Variants in ROBO2 observed in about 807,000 individuals in gnomAD.
The protein encoded by ROBO2 is roundabout guidance receptor 2.
ROBO2 carries 53 observed loss-of-function variants against 160.8 expected under a neutral mutation model. The observed-to-expected ratio is 0.33, with a 90% CI of 0.26 to 0.41. The LOEUF (loss-of-function observed/expected upper bound fraction) is 0.41, where lower values mean the gene tolerates loss of function less well. ROBO2 is among the 10% of genes least tolerant of loss of function. The probability of loss-of-function intolerance (pLI) is 1.00; values close to 1 mark genes in which losing one functional copy is unlikely to be tolerated. For synonymous variants in ROBO2, 664 were observed against 611.7 expected, an observed-to-expected ratio of 1.09 and a Z score of -1.26; for missense variants, 1,577 against 1,722.4, an observed-to-expected ratio of 0.92 and a Z score of 1.49.
intron 2 of ROBO2, among the ~76,000 whole-genome samples, chr3:76,010,159 C>T (rs957426702): frequency 3.9e-5 from 6 of 152,168 alleles, no homozygotes; most frequent in Admixed American, 3.3e-4. Context: ...GTGCCTGGGG[C>T]TTAGTCCAGA....
intron 2 of ROBO2, among the ~76,000 whole-genome samples, chr3:76,212,862 C>CTCTCTT (rs1444729944): frequency 9.9e-5 from 15 of 151,142 alleles, no homozygotes; most frequent in Non-Finnish European, 2.2e-4. Flanking sequence ...CTCTCTCTCT[C>CTCTCTT]TCAGTTTGAC....
chr3:76,933,272 A>G (rs1050818248), intron 2 of ROBO2, among the ~76,000 whole-genome samples: 16 of 152,196 alleles, frequency 1.1e-4, no homozygotes, highest in African/African-American at 3.4e-4. Flanking sequence ...ATTTACTACC[A>G]TAGTGATTAT....
chr3:77,575,161 A>T (rs1257445455), intron 14 of ROBO2, among the ~76,000 whole-genome samples: 1 of 152,050 alleles, frequency 6.6e-6, no homozygotes, highest in African/African-American at 2.4e-5. Context: ...CAAACCCATG[A>T]TTTCTAATCA....
At chr3:76,793,541 G>A (rs1327243825) in intron 2 of ROBO2, among the ~76,000 whole-genome samples, 1 of 151,798 alleles carries the variant, frequency 6.6e-6, no homozygotes, top group Admixed American at 6.6e-5. Context: ...AACATAGCAG[G>A]TACCAAACAC....
chr3:76,542,289 T>C (rs567288795), intron 2 of ROBO2, among the ~76,000 whole-genome samples: 25 of 152,270 alleles, frequency 1.6e-4, no homozygotes, highest in Non-Finnish European at 2.1e-4. Context: ...ATAATAGTGA[T>C]CAGCACTTAT....
intron 2 of ROBO2, among the ~76,000 whole-genome samples, chr3:76,860,415 G>A (rs2070632237): frequency 1.3e-5 from 2 of 152,218 alleles, no homozygotes; most frequent in South Asian, 4.1e-4. Flanking sequence ...AACAGAGCTA[G>A]AAGCAGAAGC....
rs143344246 is a variant in ROBO2, at chr3:76,533,792, G to A, written c.110-564222G>A. ...GGGAGGGGGTCACAAGGTGCATGGT[G>A]GAGAGACCATGAGACTCACTGTCCA... On this transcript the variant is annotated intron_variant, in intron 2 of 26. Transcript: ENST00000487694. 2.0e-3 allele frequency among the ~76,000 whole-genome samples: 299 copies of A among 152,248 alleles called. 1 individual carries two copies. Among genetic ancestry groups the A allele is most frequent in the African/African-American group, 6.5e-3 (270 of 41,546 alleles).
At chr3:77,198,004 G>A (rs1436423361) in intron 2 of ROBO2, among the ~76,000 whole-genome samples, 1 of 152,176 alleles carries the variant, frequency 6.6e-6, no homozygotes. Context: ...CAGCTTCACA[G>A]GGGCCAGAAT....
intron 2 of ROBO2, among the ~76,000 whole-genome samples, chr3:77,220,292 G>A (rs2085614592): frequency 6.6e-6 from 1 of 152,110 alleles, no homozygotes; most frequent in Non-Finnish European, 1.5e-5. Flanking sequence ...TTACAGGCAT[G>A]AGCCACTGCG....
intron 2 of ROBO2, among the ~76,000 whole-genome samples, chr3:77,030,190 T>C (rs111663159): frequency 0.018 from 2,731 of 152,270 alleles, 96 homozygotes; most frequent in African/African-American, 0.061. Flanking sequence ...GTGATCCGCC[T>C]GCCTCGGCCT....
intron 2 of ROBO2, among the ~76,000 whole-genome samples, chr3:76,467,197 AAG>A (rs1270214559): frequency 6.6e-6 from 1 of 152,140 alleles, no homozygotes; most frequent in Non-Finnish European, 1.5e-5. Context: ...GATAAAAATG[AAG>A]AGACACTAGA....
At chr3:76,391,724 T>TTGTCTCGAACTCC in intron 2 of ROBO2, among the ~76,000 whole-genome samples, 1 of 152,252 alleles carries the variant, frequency 6.6e-6, no homozygotes, top group Non-Finnish European at 1.5e-5. Context: ...TTGGCCAGGC[T>TTGTCTCGAACTCC]TGTCTCGAAC....
chr3:77,066,677 T>A (rs1461124377), intron 1 of ROBO2, among the ~76,000 whole-genome samples: 1 of 152,146 alleles, frequency 6.6e-6, no homozygotes, highest in Non-Finnish European at 1.5e-5. Context: ...ATAATCTGTA[T>A]TTCTTAGGGG....
chr3:76,282,225 C>G (rs1244245510), intron 2 of ROBO2, among the ~76,000 whole-genome samples: 2 of 151,888 alleles, frequency 1.3e-5, no homozygotes, highest in Non-Finnish European at 2.9e-5. Flanking sequence ...TACAGCCCTA[C>G]CTTTTCTGTA....
At chr3:76,939,867 T>G (rs1357132795) in intron 2 of ROBO2, among the ~76,000 whole-genome samples, 16 of 152,184 alleles carry the variant, frequency 1.1e-4, no homozygotes, top group Admixed American at 1.0e-3. Context: ...TGCAGTCCAC[T>G]GAATCTGTTA....
chr3:76,823,609 C>T (rs1456620628), intron 2 of ROBO2, among the ~76,000 whole-genome samples: 4 of 151,946 alleles, frequency 2.6e-5, no homozygotes, highest in Non-Finnish European at 4.4e-5. Flanking sequence ...ATTATGAGTG[C>T]GATGAGCTCG....
chr3:77,551,002 T>C lies in ROBO2; in HGVS notation c.1231+13T>C, dbSNP rs2092900315. 1.2e-6 allele frequency: 2 copies of C among 1,612,118 alleles called. No homozygotes were observed. The highest frequency in any genetic ancestry group is 1.7e-6 in the Non-Finnish European group (2 of 1,178,682). On this transcript the variant is annotated intron_variant, in intron 8 of 25. Transcript: ENST00000461745. ...GAGGTTACTGATGGTGCGATATCTT[T>C]ACTAGATTTGTCTTATGAAAACATT...
chr3:76,595,562 T>C (rs1156812959), intron 2 of ROBO2, among the ~76,000 whole-genome samples: 6 of 152,006 alleles, frequency 3.9e-5, no homozygotes, highest in Admixed American at 3.3e-4. Context: ...TTAATAAAAG[T>C]TCCCCCAAGT....
intron 2 of ROBO2, among the ~76,000 whole-genome samples, chr3:76,596,626 A>G (rs2086752513): frequency 6.6e-6 from 1 of 152,108 alleles, no homozygotes; most frequent in South Asian, 2.1e-4. Flanking sequence ...TCCCACTGGC[A>G]CTTGACTGAA....
Sources: gnomAD v4.1 joint callset for allele counts (sites outside exome capture counted in the v4.1 genomes callset) on GRCh38, gnomAD v4.1.1 for gene constraint, MANE v1.5 for transcripts, NCBI Gene and HGNC (gene_info 2026-07-23, HGNC 2026-07-21) for gene names.